Variants in TWIST2 observed in about 807,000 individuals in gnomAD.
TWIST2 encodes twist-related protein 2.
A neutral mutation model predicts 11.6 loss-of-function variants in TWIST2; 1 was observed. The ratio of observed to expected loss-of-function variants is 0.09; its 90% CI spans 0.03 to 0.41. The LOEUF (loss-of-function observed/expected upper bound fraction) is 0.41. TWIST2 is among the 10% of genes least tolerant of loss of function. The pLI, the probability that TWIST2 is intolerant of heterozygous loss-of-function variation, is 0.98. For synonymous variants in TWIST2, 87 were observed against 96.6 expected (o/e 0.90, Z 0.58); for missense variants, 168 against 226.4 (o/e 0.74, Z 1.66).
chr2:238,899,233 T>C (rs1693241765), intron 1 of TWIST2, among the ~76,000 whole-genome samples: 1 of 152,254 alleles, frequency 6.6e-6, no homozygotes, highest in Admixed American at 6.5e-5. Flanking sequence ...CTTTCTTCAT[T>C]GTAGTCCCTC....
chr2:238,862,127 T>C (rs900511959), intron 1 of TWIST2, among the ~76,000 whole-genome samples: 2 of 152,194 alleles, frequency 1.3e-5, no homozygotes, highest in African/African-American at 2.4e-5. Flanking sequence ...GTGGCAGTGG[T>C]GAACATCCAG....
At chr2:238,905,985 A>G (rs1378691786) in intron 1 of TWIST2, among the ~76,000 whole-genome samples, 5 of 139,578 alleles carry the variant, frequency 3.6e-5, no homozygotes, top group African/African-American at 1.4e-4. Flanking sequence ...GCGCGCGTGT[A>G]CGTGCGCGTG....
chr2:238,871,621 A>C (rs1574756210), intron 1 of TWIST2, among the ~76,000 whole-genome samples: 1 of 102,502 alleles, frequency 9.8e-6, no homozygotes, highest in Non-Finnish European at 1.9e-5. Flanking sequence ...CACACACATC[A>C]CACCCACCAC....
chr2:238,878,057 C>T (rs1035320849), intron 1 of TWIST2, among the ~76,000 whole-genome samples: 10 of 152,146 alleles, frequency 6.6e-5, no homozygotes, highest in Admixed American at 1.3e-4. Flanking sequence ...GTGGATTATG[C>T]GGAGCATAAT....
At chr2:238,862,477 A>T (rs750608304) in intron 1 of TWIST2, among the ~76,000 whole-genome samples, 6 of 152,240 alleles carry the variant, frequency 3.9e-5, no homozygotes, top group African/African-American at 1.4e-4. Context: ...AACTTCAACA[A>T]TAATCTAAGG....
intron 1 of TWIST2, among the ~76,000 whole-genome samples, chr2:238,898,298 C>G (rs1693228898): frequency 6.6e-6 from 1 of 152,210 alleles, no homozygotes; most frequent in Non-Finnish European, 1.5e-5. Context: ...AGATGAATGA[C>G]AAGGCCGGAT....
In TWIST2 at chr2:238,860,453, C is replaced by T. The variant is rs547286363; in HGVS notation, c.*35+11720C>T. 3.5e-4 allele frequency among the ~76,000 whole-genome samples: 53 copies of T among 152,344 alleles called. No homozygotes were observed. The South Asian group carries it at 0.011, about 30-fold the overall frequency. ...AGTGCTCCCTCAGCCATGACCCCAT[C>T]CTGTTTCTTTTTAAGACATCATCAC... is the stretch of plus-strand genomic sequence containing the variant. On this transcript the variant is annotated intron_variant, in intron 1 of 1. Transcript: ENST00000612363.
chr2:238,905,589 C>T (rs1353183802), intron 1 of TWIST2, among the ~76,000 whole-genome samples: 2 of 152,130 alleles, frequency 1.3e-5, no homozygotes, highest in African/African-American at 4.8e-5. Flanking sequence ...AGGGAACGGC[C>T]CCTGTCATTT....
At chr2:238,861,655 A>T (rs1192081283) in intron 1 of TWIST2, among the ~76,000 whole-genome samples, 6 of 152,128 alleles carry the variant, frequency 3.9e-5, no homozygotes, top group Non-Finnish European at 1.5e-5. Context: ...CTTTTAGCAC[A>T]CCTGCCACCA....
intron 1 of TWIST2, among the ~76,000 whole-genome samples, chr2:238,870,474 C>T (rs1257739988): frequency 2.3e-5 from 3 of 129,348 alleles, no homozygotes; most frequent in African/African-American, 2.9e-5. Context: ...ACCCGACACA[C>T]GCCACACACA....
rs1212023370 is a variant in TWIST2 at position 238,904,377 on chromosome 2, A to AGT, written c.*36-5455_*36-5454dup. 4.5e-5 allele frequency among the ~76,000 whole-genome samples: 4 copies of AGT among 87,956 alleles called. No homozygotes were observed. The South Asian group carries it at 1.2e-3, about 26-fold the overall frequency. The allele number at this position is 87,956 out of a possible 152,430, so 57.7% of individuals were successfully genotyped here. A position where few individuals can be genotyped will look rare whatever the true frequency, so the allele number is the denominator to read the frequency against. On this transcript the variant is annotated intron_variant, in intron 1 of 1. Transcript: ENST00000612363. ...GTGTGATGTGAGGTATGTTTGAGGT[A>AGT]GTGTGTGTGTGATGTAAGGTGTGTG... is the stretch of plus-strand genomic sequence containing the variant.
At chr2:238,901,252 C>T (rs970593882) in intron 1 of TWIST2, among the ~76,000 whole-genome samples, 18 of 152,184 alleles carry the variant, frequency 1.2e-4, no homozygotes, top group African/African-American at 4.3e-4. Flanking sequence ...GCTGGGATTC[C>T]AGGTGTGAGC....
At chr2:238,882,800 A>T (rs1692961243) in intron 1 of TWIST2, among the ~76,000 whole-genome samples, 1 of 152,182 alleles carries the variant, frequency 6.6e-6, no homozygotes, top group African/African-American at 2.4e-5. Flanking sequence ...TCTTGATTTT[A>T]AAAGTCCTCC....
At chr2:238,888,011 C>T (rs558541764) in intron 1 of TWIST2, among the ~76,000 whole-genome samples, 4 of 152,312 alleles carry the variant, frequency 2.6e-5, no homozygotes, top group East Asian at 3.9e-4. Flanking sequence ...GCATGTGAAA[C>T]GGGTGGGCCA....
At chr2:238,852,741 C>T (rs548876282) in intron 1 of TWIST2, among the ~76,000 whole-genome samples, 6 of 152,140 alleles carry the variant, frequency 3.9e-5, no homozygotes, top group East Asian at 1.9e-4. Context: ...GGTCTGGGGA[C>T]GATATTGACG....
At chr2:238,904,370 T>G (rs1378332742) in intron 1 of TWIST2, among the ~76,000 whole-genome samples, 1 of 101,576 alleles carries the variant, frequency 9.8e-6, no homozygotes, top group Non-Finnish European at 2.1e-5. Context: ...TGAGGTATGT[T>G]TGAGGTAGTG....
intron 1 of TWIST2, among the ~76,000 whole-genome samples, chr2:238,882,621 G>A (rs1410524389): frequency 6.6e-6 from 1 of 152,160 alleles, no homozygotes; most frequent in Non-Finnish European, 1.5e-5. Context: ...AGCTTGCCTT[G>A]GTGCCCTGCC....
intron 1 of TWIST2, among the ~76,000 whole-genome samples, chr2:238,862,775 A>G (rs372457394): frequency 3.3e-5 from 5 of 152,372 alleles, no homozygotes; most frequent in African/African-American, 1.2e-4. Flanking sequence ...TATTGGCGAC[A>G]AAATTAAAAT....
At position 238,879,397 on chromosome 2, in the gene TWIST2, A is replaced by G. The variant is rs190210681; in HGVS notation, c.*36-30445A>G. Among the ~76,000 whole-genome samples, 367 of 151,492 alleles carry G rather than the reference A, an allele frequency of 2.4e-3. 1 individual carries two copies. Among genetic ancestry groups the G allele is most frequent in the Middle Eastern group, 6.8e-3 (2 of 294 alleles). On this transcript the variant is annotated intron_variant, in intron 1 of 1. Coordinates refer to ENST00000612363, the MANE Select transcript of TWIST2 (RefSeq NM_001271893.4). ...CGTGATTATTAATAGTGCCCCTTTC[A>G]CTCCCAAAGCTTCTCATTCTACATG...
Sources: allele counts gnomAD v4.1 joint callset (sites outside exome capture counted in the v4.1 genomes callset), GRCh38; gene constraint gnomAD v4.1.1; transcripts MANE v1.5; gene names NCBI Gene and HGNC (gene_info 2026-07-23, HGNC 2026-07-21).